The following ZNF569 variants were observed in gnomAD, a reference collection of about 807,000 sequenced individuals.
ZNF569 encodes DNA-binding protein.
ZNF569 carries 38 observed loss-of-function variants against 56.3 expected under a neutral mutation model. The ratio of observed to expected loss-of-function variants is 0.68; its 90% confidence interval spans 0.52 to 0.88. The LOEUF (loss-of-function observed/expected upper bound fraction) is 0.88, where lower values mean the gene tolerates loss of function less well. Ranked by LOEUF, ZNF569 falls within the 40% of genes least tolerant of loss-of-function variation. The pLI, the probability that ZNF569 is intolerant of heterozygous loss-of-function variation, is 0.00. For synonymous variants in ZNF569, 241 were observed against 262.9 expected (o/e 0.92, Z 0.81); for missense variants, 666 against 809.2 (o/e 0.82, Z 2.15).
At chr19:37,423,117 T>C (rs1420800735) in intron 5 of ZNF569, among the ~76,000 whole-genome samples, 5 of 152,226 alleles carry the variant, frequency 3.3e-5, no homozygotes, top group Non-Finnish European at 7.4e-5. Flanking sequence ...GAAGTTACTT[T>C]GTCAACTCTG....
chr19:37,460,142 T>G lies in ZNF569; in HGVS notation c.-44+5171A>C, dbSNP rs555444200. Among the ~76,000 whole-genome samples the G allele has an allele frequency of 2.6e-5, 4 of 152,198 alleles. No homozygotes were observed. In the East Asian group the frequency reaches 7.7e-4, roughly 29 times the overall value. On this transcript the variant is annotated intron_variant, in intron 2 of 5. Transcript: ENST00000316950. ...GAGCTAGGAAGATGGTAGTGTTTTTTTGTTTGTTTGTTTGTTTTTGAGACA... is the reference window on the plus strand; with the variant it reads ...GAGCTAGGAAGATGGTAGTGTTTTTGTGTTTGTTTGTTTGTTTTTGAGACA...
intron 2 of ZNF569, among the ~76,000 whole-genome samples, chr19:37,458,365 A>G (rs1355087431): frequency 6.6e-6 from 1 of 152,214 alleles, no homozygotes; most frequent in African/African-American, 2.4e-5. Flanking sequence ...ATACATAATT[A>G]CATACCTTTC....
chr19:37,458,827 A>G (rs1374878310), intron 2 of ZNF569, among the ~76,000 whole-genome samples: 1 of 152,250 alleles, frequency 6.6e-6, no homozygotes, highest in Non-Finnish European at 1.5e-5. Flanking sequence ...GGAAATGCGA[A>G]CTATAAGAAA....
At position 37,412,857 on chromosome 19, in the gene ZNF569, T is replaced by C; in HGVS notation, c.1801A>G (p.Thr601Ala). 2 of 1,614,068 alleles carry C rather than the reference T, an allele frequency of 1.2e-6. No individual in the cohort carries two copies. ...TSLIVHMRGHTGEKPYECNKC... is the reference protein window; with the variant it reads ...TSLIVHMRGHAGEKPYECNKC... The stretch of plus-strand genomic sequence containing the variant: ...TTACATTCATAGGGTTTTTCACCTG[T>C]ATGGCCTCTCATGTGCACAATAAGG... The change falls in exon 6 of 6, where the codon ACA (threonine) becomes GCA (alanine). Residue 601 changes from threonine (T) to alanine (A), a missense_variant. Transcript: ENST00000316950.
intron 3 of ZNF569, among the ~76,000 whole-genome samples, chr19:37,444,146 T>C (rs1292569411): frequency 6.6e-6 from 1 of 152,220 alleles, no homozygotes; most frequent in African/African-American, 2.4e-5. Context: ...CATGGGTACC[T>C]ACCAGTAAGT....
At chr19:37,442,052 A>G (rs2041416039) in intron 3 of ZNF569, among the ~76,000 whole-genome samples, 1 of 152,200 alleles carries the variant, frequency 6.6e-6, no homozygotes, top group African/African-American at 2.4e-5. Flanking sequence ...CATTTTATCA[A>G]TCAGAACTCA....
intron 3 of ZNF569, among the ~76,000 whole-genome samples, chr19:37,439,583 T>C (rs8107159): frequency 3.7e-4 from 57 of 152,202 alleles, no homozygotes; most frequent in Non-Finnish European, 5.6e-4. Flanking sequence ...AATCAGTGTA[T>C]TAAAGAGATA....
intron 2 of ZNF569, among the ~76,000 whole-genome samples, chr19:37,460,623 C>T (rs562332381): frequency 9.3e-4 from 142 of 152,066 alleles, no homozygotes; most frequent in African/African-American, 3.3e-3. Context: ...GGCGTGGTAG[C>T]GTGCACCTGT....
At chr19:37,416,013 T>C (rs1284559078) in intron 5 of ZNF569, among the ~76,000 whole-genome samples, 3 of 151,852 alleles carry the variant, frequency 2.0e-5, no homozygotes, top group African/African-American at 7.3e-5. Context: ...CAAACAGATC[T>C]CTTGAGCTCA....
chr19:37,420,089 C>T (rs35777021), intron 5 of ZNF569, among the ~76,000 whole-genome samples: 31,083 of 149,508 alleles, frequency 0.21, 3,398 homozygotes, highest in South Asian at 0.32. Flanking sequence ...CAGGTTCAAG[C>T]GATTCTCCTG....
At chr19:37,448,254 T>C (rs2041531067) in intron 2 of ZNF569, among the ~76,000 whole-genome samples, 1 of 152,222 alleles carries the variant, frequency 6.6e-6, no homozygotes, top group Non-Finnish European at 1.5e-5. Flanking sequence ...ATTTCATTAA[T>C]AGATATACAA....
At chr19:37,458,294 A>C (rs1366321706) in intron 2 of ZNF569, among the ~76,000 whole-genome samples, 1 of 152,190 alleles carries the variant, frequency 6.6e-6, no homozygotes, top group Non-Finnish European at 1.5e-5. Flanking sequence ...CAACTTTTAT[A>C]ATTTTGTTTC....
chr19:37,459,918 T>C lies in ZNF569; in HGVS notation c.-44+5395A>G, dbSNP rs950034004. 2.0e-5 allele frequency among the ~76,000 whole-genome samples: 3 copies of C among 152,180 alleles called. No homozygotes were observed. In the East Asian group the frequency reaches 5.8e-4, roughly 29 times the overall value. On this transcript the variant is annotated intron_variant, in intron 2 of 5. Transcript: ENST00000316950. The stretch of plus-strand genomic sequence containing the variant: ...TTACTTAAAAATACACATTGAAAAC[T>C]CTAGGGTGACACTAAAATTTTTTAA...
chr19:37,431,747 C>T (rs576500078), intron 3 of ZNF569: 2 of 152,302 alleles, frequency 1.3e-5, no homozygotes, highest in African/African-American at 4.8e-5. Flanking sequence ...CAATTCCAGG[C>T]CTTGCCTCTT....
intron 3 of ZNF569, among the ~76,000 whole-genome samples, chr19:37,436,875 T>C (rs2041317475): frequency 6.6e-6 from 1 of 152,098 alleles, no homozygotes; most frequent in Admixed American, 6.5e-5. Context: ...GCTTCACTGC[T>C]GAATTTTACT....
At chr19:37,416,254 A>C (rs113246388) in intron 5 of ZNF569, among the ~76,000 whole-genome samples, 4,520 of 148,172 alleles carry the variant, frequency 0.031, 105 homozygotes, top group African/African-American at 0.081. Flanking sequence ...AACAAACAAA[A>C]AAACAAAAAA....
At chr19:37,418,136 A>ATAT (rs59840412) in intron 5 of ZNF569, among the ~76,000 whole-genome samples, 1 of 144,878 alleles carries the variant, frequency 6.9e-6, no homozygotes, top group African/African-American at 2.5e-5. Flanking sequence ...AATAATAATA[A>ATAT]AATAAAGTTC....
At chr19:37,442,798 A>G (rs1201278134) in intron 3 of ZNF569, among the ~76,000 whole-genome samples, 1 of 152,228 alleles carries the variant, frequency 6.6e-6, no homozygotes, top group Admixed American at 6.5e-5. Context: ...CACAAACATA[A>G]TATTAAACAA....
At chr19:37,434,880 C>G (rs2041284412) in intron 3 of ZNF569, among the ~76,000 whole-genome samples, 1 of 152,202 alleles carries the variant, frequency 6.6e-6, no homozygotes, top group East Asian at 1.9e-4. Context: ...CCAAAACTTA[C>G]AAGAACTAAT....
Sources: allele counts gnomAD v4.1 joint callset (sites outside exome capture counted in the v4.1 genomes callset), GRCh38; gene constraint gnomAD v4.1.1; transcripts MANE v1.5; gene names NCBI Gene and HGNC (gene_info 2026-07-23, HGNC 2026-07-21).